Variants in CLMP observed in about 807,000 individuals in gnomAD.
CLMP encodes the protein CXADR like cell adhesion molecule.
A neutral mutation model predicts 45.2 loss-of-function variants in CLMP; 27 were observed. The ratio of observed to expected loss-of-function variants is 0.60; its 90% CI spans 0.44 to 0.82. CLMP has a LOEUF of 0.82. Among genes scored for constraint, CLMP ranks in the 40% least tolerant of loss-of-function variants. The pLI is 0.00. For synonymous variants in CLMP, 167 were observed against 171.4 expected (o/e 0.97, Z 0.20); for missense variants, 403 against 448.4 (o/e 0.90, Z 0.91).
At chr11:123,142,418 G>A (rs1861173501) in intron 1 of CLMP, among the ~76,000 whole-genome samples, 1 of 152,158 alleles carries the variant, frequency 6.6e-6, no homozygotes, top group Admixed American at 6.5e-5. Context: ...TGAAATGCAA[G>A]TTGTTGAAGC....
intron 1 of CLMP, among the ~76,000 whole-genome samples, chr11:123,099,043 G>A (rs374171180): frequency 3.1e-4 from 47 of 152,070 alleles, no homozygotes; most frequent in African/African-American, 1.1e-3. Context: ...TATTATGCCA[G>A]GTCCCAGGTT....
intron 1 of CLMP, among the ~76,000 whole-genome samples, chr11:123,115,044 C>T (rs1860701697): frequency 6.6e-6 from 1 of 151,980 alleles, no homozygotes; most frequent in East Asian, 1.9e-4. Flanking sequence ...TGGTCATCTA[C>T]AAAAAAGTAT....
At chr11:123,112,585 A>G (rs1041554650) in intron 1 of CLMP, among the ~76,000 whole-genome samples, 3 of 151,432 alleles carry the variant, frequency 2.0e-5, no homozygotes, top group Non-Finnish European at 2.9e-5. Flanking sequence ...GAGCCCCCCC[A>G]CCTCGGCCTC....
chr11:123,100,092 C>T (rs1320649222), intron 1 of CLMP, among the ~76,000 whole-genome samples: 2 of 152,110 alleles, frequency 1.3e-5, no homozygotes, highest in Admixed American at 6.6e-5. Context: ...AAGACTGGGC[C>T]CGGCACGGTG....
chr11:123,184,462 C>T (rs1861807485), intron 1 of CLMP, among the ~76,000 whole-genome samples: 1 of 152,202 alleles, frequency 6.6e-6, no homozygotes. Flanking sequence ...TTCTTCTGCT[C>T]ATGCTGCCTC....
intron 1 of CLMP, among the ~76,000 whole-genome samples, chr11:123,163,658 G>GC (rs1486250698): frequency 1.3e-5 from 2 of 152,202 alleles, no homozygotes; most frequent in African/African-American, 4.8e-5. Flanking sequence ...AGAACCACTG[G>GC]CCCCTAGGGC....
intron 1 of CLMP, among the ~76,000 whole-genome samples, chr11:123,189,229 T>C (rs12801982): frequency 0.14 from 20,882 of 152,220 alleles, 1,540 homozygotes; most frequent in Middle Eastern, 0.17. Context: ...ATGAAGCCTC[T>C]GCTTCAGCCT....
At chr11:123,074,958 T>A (rs1865719348) in intron 5 of CLMP, 115 bp from the exon 6 acceptor site, 1 of 1,258,178 alleles carries the variant, frequency 7.9e-7, no homozygotes, top group African/African-American at 1.6e-5. Context: ...TTGTTTGTTT[T>A]GTTTTTTTTT....
At chr11:123,148,055 CT>C (rs1234644106) in intron 1 of CLMP, among the ~76,000 whole-genome samples, 1 of 152,180 alleles carries the variant, frequency 6.6e-6, no homozygotes, top group Non-Finnish European at 1.5e-5. Context: ...GTTACTTGAC[CT>C]TTCCATACCT....
chr11:123,077,283 T>TGA (rs1449363357), intron 5 of CLMP, among the ~76,000 whole-genome samples: 1 of 152,048 alleles, frequency 6.6e-6, no homozygotes, highest in Non-Finnish European at 1.5e-5. Context: ...ATTTCAGGCG[T>TGA]GAGCCACTGC....
chr11:123,105,571 C>T (rs1272220292), intron 1 of CLMP, among the ~76,000 whole-genome samples: 1 of 151,726 alleles, frequency 6.6e-6, no homozygotes, highest in East Asian at 1.9e-4. Flanking sequence ...GCTGGGATTA[C>T]AGGCATGCGC....
chr11:123,191,699 G>T (rs193282765), intron 1 of CLMP, among the ~76,000 whole-genome samples: 2 of 152,216 alleles, frequency 1.3e-5, no homozygotes, highest in African/African-American at 4.8e-5. Context: ...GGGTTATCCC[G>T]CAGTCAAAGG....
chr11:123,140,682 A>G (rs961534945), intron 1 of CLMP, among the ~76,000 whole-genome samples: 2 of 152,134 alleles, frequency 1.3e-5, no homozygotes, highest in African/African-American at 4.8e-5. Context: ...TTTTCTGGCC[A>G]GGGAATTCCT....
rs995801643 is a variant in CLMP at position 123,105,134 on chromosome 11, C to G, written c.29-7182G>C. On this transcript the variant is annotated intron_variant, in intron 1 of 6. Coordinates refer to ENST00000448775, the MANE Select transcript of CLMP (RefSeq NM_024769.5). ...GAGCTTGAGAAAATTACCTTCTGAG[C>G]CTTAGTGTTTCCATCCGCAAAATGG... Among the ~76,000 whole-genome samples the G allele has an allele frequency of 3.9e-5, 6 of 152,280 alleles. No homozygotes were observed. The East Asian group carries it at 1.2e-3, about 29-fold the overall frequency.
At chr11:123,143,620 A>C (rs965188688) in intron 1 of CLMP, among the ~76,000 whole-genome samples, 1 of 152,192 alleles carries the variant, frequency 6.6e-6, no homozygotes, top group African/African-American at 2.4e-5. Flanking sequence ...CAATACTGCT[A>C]ACAATCACGT....
chr11:123,100,248 G>C (rs1591457085), intron 1 of CLMP, among the ~76,000 whole-genome samples: 1 of 152,166 alleles, frequency 6.6e-6, no homozygotes, highest in East Asian at 1.9e-4. Flanking sequence ...GGGCCTGTGT[G>C]TGGGTGCCTG....
chr11:123,160,195 A>C (rs1354435596), intron 1 of CLMP, among the ~76,000 whole-genome samples: 1 of 140,252 alleles, frequency 7.1e-6, no homozygotes, highest in Non-Finnish European at 1.5e-5. Flanking sequence ...CAGGAGAATC[A>C]CTTGAACCCG....
rs1392473864 is a variant in CLMP, at chr11:123,084,669, CTCAG to C, written c.227_230del (p.Thr76ArgfsTer25). The C allele has an allele frequency of 6.2e-7, 1 of 1,614,202 alleles. No individual in the cohort carries two copies. The highest frequency in any genetic ancestry group is 2.2e-5 in the East Asian group (1 of 44,886). On this transcript the variant is annotated frameshift_variant, in exon 3 of 7. Transcript: ENST00000448775. LOFTEE classifies it high-confidence loss of function. The stretch of plus-strand genomic sequence containing the variant: ...CAAAGGCCACTCGGCCCTTCTGTTC[CTCAG>C]TCAAGTTATTGTAGACATGACGACT...
At position 123,159,478 on chromosome 11, in the gene CLMP, T is replaced by C. The variant is rs1861457199; in HGVS notation, c.28+35435A>G. On this transcript the variant is annotated intron_variant, in intron 1 of 6. Coordinates refer to ENST00000448775, the MANE Select transcript of CLMP (RefSeq NM_024769.5). ...GGGTACCCTCCAGGCAGCATATGAG[T>C]GTGGGCAGCATCTGAATGAGAACAT... Among the ~76,000 whole-genome samples the C allele has an allele frequency of 2.6e-5, 4 of 152,278 alleles. No individual in the cohort carries two copies. In the South Asian group the frequency reaches 6.2e-4, roughly 24 times the overall value.
Sources: gnomAD v4.1 joint callset for allele counts (sites outside exome capture counted in the v4.1 genomes callset) on GRCh38, gnomAD v4.1.1 for gene constraint, MANE v1.5 for transcripts, NCBI Gene and HGNC (gene_info 2026-07-23, HGNC 2026-07-21) for gene names.